The following CABIN1 variants were observed in gnomAD, a reference collection of about 807,000 sequenced individuals.
CABIN1 encodes calcineurin binding protein 1.
In CABIN1, 133 loss-of-function variants were observed where a neutral mutation model predicts 227.7. That is an observed-to-expected ratio of 0.58 (90% CI 0.51 to 0.67). The LOEUF (loss-of-function observed/expected upper bound fraction) is 0.67. Ranked by LOEUF, CABIN1 falls within the 30% of genes least tolerant of loss-of-function variation. The pLI is 0.00. For synonymous variants in CABIN1, 1,086 were observed against 1,155.1 expected (o/e 0.94, Z 1.21); for missense variants, 2,408 against 2,852.5 (o/e 0.84, Z 3.55).
Position 24,165,590 on chromosome 22 carries a change from G to A in CABIN1, c.4971G>A (p.Val1657=). ...VLAQRAFILT[V]KVLEDTLSEL... ...CGCAGCGGGCCTTCATCCTCACTGTGAAGGTGCTCGAAGACACGCTGAGCG... is the reference window on the plus strand; with the variant it reads ...CGCAGCGGGCCTTCATCCTCACTGTAAAGGTGCTCGAAGACACGCTGAGCG... The change falls in exon 31 of 37, where the codon GTG becomes GTA. Residue 1657 remains valine (V), a synonymous_variant. Transcript: ENST00000263119. 6.2e-7 allele frequency: 1 copy of A among 1,613,162 alleles called. No individual in the cohort carries two copies.
rs565904132 is a variant in CABIN1 at position 24,066,867 on chromosome 22, G to A, written c.2038-120G>A. On this transcript the variant is annotated intron_variant, in intron 15 of 36. Coordinates refer to ENST00000263119, the MANE Select transcript of CABIN1 (RefSeq NM_012295.4). Reference sequence around the variant, plus strand: ...GGAGGAATCTAATTTTTTTTGGGCTGGAACATAGTCTAATTTTTATTCTCC... The same window carrying A: ...GGAGGAATCTAATTTTTTTTGGGCTAGAACATAGTCTAATTTTTATTCTCC... 1.7e-4 allele frequency: 162 copies of A among 926,652 alleles called. No individual in the cohort carries two copies. The African/African-American group carries it at 2.3e-3, about 13-fold the overall frequency. 57.4% of individuals were successfully genotyped at this position (926,652 alleles called of 1,614,324 possible).
At chr22:24,166,597 A>C (rs771180796) in intron 31 of CABIN1, 42 bp from the exon 32 acceptor site, 43 of 1,612,216 alleles carry the variant, frequency 2.7e-5, no homozygotes, top group Non-Finnish European at 3.5e-5. Flanking sequence ...ATTGCAGTGG[A>C]GACACCAGCG....
At chr22:24,030,600 A>G (rs1041382099) in intron 1 of CABIN1, among the ~76,000 whole-genome samples, 1 of 152,200 alleles carries the variant, frequency 6.6e-6, no homozygotes, top group African/African-American at 2.4e-5. Flanking sequence ...GAAAATAATT[A>G]GGAAGCCTGA....
chr22:24,050,993 C>A lies in CABIN1; in HGVS notation c.806+19C>A. ...TCTTCACGTAGGTTGTCTAGCGTCTCTGGGAGTGCTGGGTCGGCCAGTAGG... is the reference window on the plus strand; with the variant it reads ...TCTTCACGTAGGTTGTCTAGCGTCTATGGGAGTGCTGGGTCGGCCAGTAGG... On this transcript the variant is annotated intron_variant, in intron 8 of 36. Coordinates refer to ENST00000263119, the MANE Select transcript of CABIN1 (RefSeq NM_012295.4). 6.2e-7 allele frequency: 1 copy of A among 1,613,968 alleles called. No individual in the cohort carries two copies. Among genetic ancestry groups the A allele is most frequent in the East Asian group, 2.2e-5 (1 of 44,882 alleles).
intron 28 of CABIN1, among the ~76,000 whole-genome samples, chr22:24,131,155 G>C (rs554577136): frequency 6.6e-6 from 1 of 152,230 alleles, no homozygotes; most frequent in Non-Finnish European, 1.5e-5. Context: ...AGTCTTTGTC[G>C]AGGCTTTACT....
chr22:24,056,422 G>A (rs2070467), intron 10 of CABIN1, 62 bp downstream of exon 10: 301,689 of 1,524,748 alleles, frequency 0.2, 33,397 homozygotes, highest in East Asian at 0.44. Context: ...TACACCATCA[G>A]TAACATTTCT....
intron 29 of CABIN1, among the ~76,000 whole-genome samples, chr22:24,149,920 C>G (rs1034464343): frequency 1.3e-5 from 2 of 152,232 alleles, no homozygotes; most frequent in African/African-American, 4.8e-5. Context: ...GGCCATGCCT[C>G]GGCTTAGGCC....
intron 15 of CABIN1, among the ~76,000 whole-genome samples, chr22:24,064,761 A>G (rs1374350301): frequency 6.6e-6 from 1 of 152,154 alleles, no homozygotes; most frequent in Non-Finnish European, 1.5e-5. Flanking sequence ...GACAAAGCAC[A>G]TCTTTCACCG....
rs139738216 is a variant in CABIN1 at position 24,092,527 on chromosome 22, C to T, written c.3786+684C>T. ...GTCCACCATTTGGTTCAGCCCAGGA[C>T]TTGAAGCTTCTGAAGGCCCTGTGCA... On this transcript the variant is annotated intron_variant, in intron 24 of 36. Transcript: ENST00000263119. Among the ~76,000 whole-genome samples, 8 of 152,268 alleles carry T rather than the reference C, an allele frequency of 5.3e-5. No homozygotes were observed. The East Asian group carries it at 1.5e-3, about 29-fold the overall frequency.
intron 15 of CABIN1, among the ~76,000 whole-genome samples, chr22:24,065,308 C>T (rs1233391188): frequency 6.1e-5 from 9 of 147,946 alleles, no homozygotes; most frequent in African/African-American, 5.0e-5. Context: ...CGGGCAGAGA[C>T]GCTCCTCACC....
In CABIN1 at chr22:24,171,850, G is replaced by C. The variant is rs776468148; in HGVS notation, c.5895G>C (p.Lys1965Asn). 2.0e-5 allele frequency: 32 copies of C among 1,613,990 alleles called. No individual in the cohort carries two copies. In the East Asian group the frequency reaches 6.5e-4, roughly 33 times the overall value. ...SVQRPSDAHTKPRPALAAATT... is the reference protein window; with the variant it reads ...SVQRPSDAHTNPRPALAAATT... ...AGCGGCCCAGTGATGCTCACACCAAGCCTCGCCCTGCACTAGCTGCCGCCA... is the reference window on the plus strand; with the variant it reads ...AGCGGCCCAGTGATGCTCACACCAACCCTCGCCCTGCACTAGCTGCCGCCA... The change falls in exon 34 of 37, where the codon AAG becomes AAC. Residue 1965 changes from lysine (K) to asparagine (N), a missense_variant. Lys to Asn is a moderately conservative substitution (Grantham distance 94). This residue lies in a region of CABIN1 where 714 missense variants were observed against 773.8 expected (regional missense o/e 0.92). Coordinates refer to ENST00000263119, the MANE Select transcript of CABIN1 (RefSeq NM_012295.4).
chr22:24,078,830 A>ACCTC (rs2040611622), intron 19 of CABIN1, among the ~76,000 whole-genome samples: 1 of 150,480 alleles, frequency 6.6e-6, no homozygotes. Flanking sequence ...TCACTACCCT[A>ACCTC]CCTCCCTCAC....
intron 17 of CABIN1, among the ~76,000 whole-genome samples, chr22:24,072,107 G>C (rs1468914776): frequency 3.3e-5 from 5 of 152,202 alleles, no homozygotes; most frequent in South Asian, 2.1e-4. Context: ...ACAGCACATA[G>C]TAGGTACTGA....
chr22:24,094,337 G>C (rs1313477704), intron 24 of CABIN1, among the ~76,000 whole-genome samples: 2 of 152,204 alleles, frequency 1.3e-5, no homozygotes, highest in Non-Finnish European at 2.9e-5. Context: ...GGTAGCCCCA[G>C]GGGTACCAGC....
At chr22:24,160,273 T>C (rs980444471) in intron 29 of CABIN1, 1 of 152,322 alleles carries the variant, frequency 6.6e-6, no homozygotes, top group Non-Finnish European at 1.5e-5. Context: ...GTCTGAGTAC[T>C]GTTCTGACTG....
intron 1 of CABIN1, among the ~76,000 whole-genome samples, chr22:24,017,573 G>A (rs184085957): frequency 6.6e-6 from 1 of 152,182 alleles, no homozygotes; most frequent in Non-Finnish European, 1.5e-5. Context: ...ACATGGAATC[G>A]TACAATATTT....
rs761539842 is a variant in CABIN1 at position 24,084,579 on chromosome 22, G to A, written c.2911G>A (p.Val971Met). 6.2e-7 allele frequency: 1 copy of A among 1,613,178 alleles called. No individual in the cohort carries two copies. Among genetic ancestry groups the A allele is most frequent in the African/African-American group, 1.3e-5 (1 of 74,884 alleles). ...ATCTGCCTTCTGTCTTTTTTTCAAG[G>A]TGGATCTTATATGGGAGGATGCACT... ...RYLEEHSAQQVDLIWEDALFM... is the reference protein window; with the variant it reads ...RYLEEHSAQQMDLIWEDALFM... Residue 971 changes from valine to methionine, a missense_variant and splice_region_variant, in exon 21 of 37, where the codon GTG becomes ATG. Physicochemically the swap from Val to Met is conservative, Grantham distance 21. Around this residue, in one of 3 missense-constraint regions of CABIN1, gnomAD observed 649 missense variants for 910.3 expected, o/e 0.71. Coordinates refer to ENST00000263119, the MANE Select transcript of CABIN1 (RefSeq NM_012295.4).
In CABIN1 at chr22:24,152,232, G is replaced by A. The variant is rs541545153; in HGVS notation, c.4747-12168G>A. On this transcript the variant is annotated intron_variant, in intron 29 of 36. Coordinates refer to ENST00000263119, the MANE Select transcript of CABIN1 (RefSeq NM_012295.4). ...TCATTTCTGTCTTCCTCATCTCTGC[G>A]TCCTCACTCATGGCTCACACAGAGC... 5.3e-5 allele frequency among the ~76,000 whole-genome samples: 8 copies of A among 152,332 alleles called. No homozygotes were observed. The South Asian group carries it at 8.3e-4, about 16-fold the overall frequency.
At chr22:24,127,275 G>A (rs1034803110) in intron 28 of CABIN1, among the ~76,000 whole-genome samples, 4 of 152,184 alleles carry the variant, frequency 2.6e-5, no homozygotes, top group Admixed American at 2.0e-4. Flanking sequence ...GACCAGCCGC[G>A]GTGCCTGTCG....
Sources: allele counts gnomAD v4.1 joint callset (sites outside exome capture counted in the v4.1 genomes callset), GRCh38; gene constraint gnomAD v4.1.1; regional missense constraint gnomAD v4.1.1; transcripts MANE v1.5; gene names NCBI Gene and HGNC (gene_info 2026-07-23, HGNC 2026-07-21).